Variants in WDR59 observed in about 807,000 individuals in gnomAD.
The protein encoded by WDR59 is WD repeat domain 59.
Under a neutral mutation model 131.2 loss-of-function variants are expected in WDR59, and 100 were observed. That is an observed-to-expected ratio of 0.76 (90% CI 0.65 to 0.90). WDR59 has a LOEUF of 0.90. Among genes scored for constraint, WDR59 ranks in the 40% least tolerant of loss-of-function variants. WDR59 has a pLI of 0.00. For missense variants in WDR59, 1,203 were observed against 1,262.2 expected (o/e 0.95, Z 0.71); for synonymous variants, 601 against 466.2 (o/e 1.29, Z -3.72).
intron 18 of WDR59, among the ~76,000 whole-genome samples, chr16:74,895,690 G>T (rs1206769839): frequency 6.6e-6 from 1 of 152,112 alleles, no homozygotes; most frequent in Admixed American, 6.6e-5. Context: ...ACTTGCCCTG[G>T]TTTTCTAAAA....
At chr16:74,968,987 GC>G (rs931951243) in intron 1 of WDR59, among the ~76,000 whole-genome samples, 22 of 152,150 alleles carry the variant, frequency 1.4e-4, no homozygotes, top group African/African-American at 5.3e-4. Flanking sequence ...GAAAGTCAGT[GC>G]TTTGTGGGGG....
At chr16:74,889,447 A>G (rs576783584) in intron 21 of WDR59, among the ~76,000 whole-genome samples, 1 of 152,208 alleles carries the variant, frequency 6.6e-6, no homozygotes, top group Non-Finnish European at 1.5e-5. Flanking sequence ...TATGGACTAA[A>G]GCATGAATCT....
intron 8 of WDR59, among the ~76,000 whole-genome samples, chr16:74,926,790 T>C (rs1232829445): frequency 3.9e-5 from 6 of 152,216 alleles, no homozygotes; most frequent in African/African-American, 1.4e-4. Context: ...GAAATGGAAA[T>C]GACTTGTCTG....
rs773453626 is a variant in WDR59, at chr16:74,886,295, G to A, written c.2521C>T (p.Arg841Cys). Residue 841 changes from arginine (R) to cysteine (C), a missense_variant, in exon 24 of 26, where the codon CGC (arginine) becomes TGC (cysteine). Transcript: ENST00000262144. ...CTTTTATTTTTATCATGCTGGTCGC[G>A]TTCTCGCTCACGGGGATCACTGTAG... ...LTYSDPRERE[R>C]DQHDKNKRLL... 32 of 1,612,752 alleles carry A rather than the reference G, an allele frequency of 2.0e-5. No individual in the cohort carries two copies. The East Asian group carries it at 5.3e-4, about 27-fold the overall frequency.
chr16:74,965,925 C>T, intron 1 of WDR59, 103 bp from the exon 2 acceptor site: 1 of 1,232,084 alleles, frequency 8.1e-7, no homozygotes, highest in Non-Finnish European at 1.2e-6. Context: ...AAGAAGTCCC[C>T]AGCTCGCAGG....
chr16:74,984,503 T>C (rs540038998), intron 1 of WDR59: 12 of 194,492 alleles, frequency 6.2e-5, no homozygotes, highest in South Asian at 9.1e-5. Context: ...CTTAACCGCG[T>C]AGACGCTGCA....
chr16:74,973,202 T>C (rs1047743177), intron 1 of WDR59, among the ~76,000 whole-genome samples: 1 of 152,066 alleles, frequency 6.6e-6, no homozygotes, highest in Non-Finnish European at 1.5e-5. Flanking sequence ...GATTGCGCCA[T>C]TGCACTCCAG....
intron 14 of WDR59, 93 bp downstream of exon 14, chr16:74,912,105 A>C: frequency 6.5e-7 from 1 of 1,541,166 alleles, no homozygotes; most frequent in Non-Finnish European, 8.9e-7. Flanking sequence ...ATGACTTCCG[A>C]ATCTCATCTA....
chr16:74,887,639 G>T, intron 23 of WDR59, 44 bp downstream of exon 23: 1 of 1,583,764 alleles, frequency 6.3e-7, no homozygotes, highest in Non-Finnish European at 8.7e-7. Context: ...ACAGCTCTGG[G>T]AGAACTAAAA....
intron 8 of WDR59, among the ~76,000 whole-genome samples, chr16:74,928,588 T>C (rs751543179): frequency 1.8e-4 from 27 of 152,066 alleles, no homozygotes; most frequent in Non-Finnish European, 3.4e-4. Context: ...GTTATGCAAT[T>C]ATCCTTAGTT....
intron 24 of WDR59, 121 bp downstream of exon 24, chr16:74,886,149 A>T: frequency 7.6e-7 from 1 of 1,312,816 alleles, no homozygotes; most frequent in African/African-American, 1.5e-5. Context: ...CTGCACTCCA[A>T]CCTAGTGACC....
At chr16:74,928,600 T>C (rs2031093105) in intron 8 of WDR59, among the ~76,000 whole-genome samples, 1 of 152,048 alleles carries the variant, frequency 6.6e-6, no homozygotes, top group African/African-American at 2.4e-5. Context: ...TCCTTAGTTT[T>C]ATGTTAAAAT....
At chr16:74,925,048 G>A (rs1272068622) in intron 8 of WDR59, among the ~76,000 whole-genome samples, 2 of 152,180 alleles carry the variant, frequency 1.3e-5, no homozygotes, top group African/African-American at 2.4e-5. Flanking sequence ...AATGTTTATA[G>A]TGGCTCTATT....
intron 1 of WDR59, among the ~76,000 whole-genome samples, chr16:74,971,595 G>T (rs938450761): frequency 1.3e-5 from 2 of 151,792 alleles, no homozygotes; most frequent in African/African-American, 4.8e-5. Context: ...ACCGTGCCTG[G>T]CTGTTTTTTG....
At chr16:74,975,022 G>A (rs2034129677) in intron 1 of WDR59, among the ~76,000 whole-genome samples, 1 of 152,108 alleles carries the variant, frequency 6.6e-6, no homozygotes, top group Non-Finnish European at 1.5e-5. Context: ...GGCATGGCCT[G>A]GGGAACCCCC....
chr16:74,953,126 A>C (rs1270999935), intron 3 of WDR59, among the ~76,000 whole-genome samples: 1 of 152,158 alleles, frequency 6.6e-6, no homozygotes. Flanking sequence ...AAAAGACAGA[A>C]TGTTAAAACT....
At chr16:74,876,083 C>T (rs1365825383) in intron 25 of WDR59, among the ~76,000 whole-genome samples, 2 of 152,166 alleles carry the variant, frequency 1.3e-5, no homozygotes, top group African/African-American at 4.8e-5. Context: ...CTCCTTCCCT[C>T]TTACAACAGA....
chr16:74,956,474 C>T lies in WDR59; in HGVS notation c.240+1G>A, dbSNP rs772206163. On this transcript the variant is annotated splice_donor_variant, in intron 3 of 25. Coordinates refer to ENST00000262144, the MANE Select transcript of WDR59 (RefSeq NM_030581.4). LOFTEE classifies it high-confidence loss of function. Reference sequence around the variant, plus strand: ...CTCCTGTATTCCTTAAATAAGCTCACCGAAGCCGCAAAATAGTGTGCAAAG... The same window carrying T: ...CTCCTGTATTCCTTAAATAAGCTCATCGAAGCCGCAAAATAGTGTGCAAAG... 1 of 1,612,880 alleles carries T rather than the reference C, an allele frequency of 6.2e-7. No homozygotes were observed. The highest frequency in any genetic ancestry group is 8.5e-7 in the Non-Finnish European group (1 of 1,179,616).
At chr16:74,887,807 C>T in intron 22 of WDR59, 52 bp from the exon 23 acceptor site, 3 of 1,543,612 alleles carry the variant, frequency 1.9e-6, no homozygotes, top group Non-Finnish European at 2.7e-6. Flanking sequence ...ATACCATTCC[C>T]CATGACAGTT....
Sources: allele counts gnomAD v4.1 joint callset (sites outside exome capture counted in the v4.1 genomes callset), GRCh38; gene constraint gnomAD v4.1.1; transcripts MANE v1.5; gene names NCBI Gene and HGNC (gene_info 2026-07-23, HGNC 2026-07-21).